The following EEA1 variants were observed in gnomAD, a reference collection of about 807,000 sequenced individuals.
EEA1 encodes early endosome antigen 1, 162kD.
In EEA1, 111 loss-of-function variants were observed where a neutral mutation model predicts 209.2. The observed-to-expected ratio is 0.53, with a 90% CI of 0.45 to 0.62. The LOEUF (loss-of-function observed/expected upper bound fraction) is 0.62. EEA1 is among the 20% of genes least tolerant of loss of function. The probability of loss-of-function intolerance (pLI) is 0.00; values close to 1 mark genes in which losing one functional copy is unlikely to be tolerated. For synonymous variants in EEA1, 536 were observed against 540.6 expected, an observed-to-expected ratio of 0.99 and a Z score of 0.12; for missense variants, 1,343 against 1,530.8, an observed-to-expected ratio of 0.88 and a Z score of 2.05.
At chr12:92,911,720 A>C (rs146139246) in intron 1 of EEA1, among the ~76,000 whole-genome samples, 1 of 152,354 alleles carries the variant, frequency 6.6e-6, no homozygotes, top group South Asian at 2.1e-4. Context: ...GGGGGAGTCT[A>C]TGCATGTGTA....
intron 2 of EEA1, among the ~76,000 whole-genome samples, chr12:92,867,859 T>C (rs1315943588): frequency 7.5e-5 from 2 of 26,802 alleles, no homozygotes; most frequent in African/African-American, 9.6e-5. Context: ...ATAGTGTATG[T>C]GTGTGTGAGA....
chr12:92,864,600 A>G (rs1283811349), intron 3 of EEA1, among the ~76,000 whole-genome samples: 1 of 152,194 alleles, frequency 6.6e-6, no homozygotes, highest in Non-Finnish European at 1.5e-5. Flanking sequence ...GCTAAATATA[A>G]TTTAATCTTC....
chr12:92,859,052 T>C (rs778579901), intron 3 of EEA1: 4 of 713,102 alleles, frequency 5.6e-6, no homozygotes, highest in African/African-American at 1.8e-5. Flanking sequence ...TCTTATTCTA[T>C]TGGAGTTTCT....
At chr12:92,880,763 C>T (rs975631088) in intron 2 of EEA1, among the ~76,000 whole-genome samples, 20 of 152,192 alleles carry the variant, frequency 1.3e-4, no homozygotes, top group Non-Finnish European at 2.9e-4. Flanking sequence ...GCGTGAGCTA[C>T]CACACCTGGC....
chr12:92,922,875 T>C (rs570890321), intron 1 of EEA1, among the ~76,000 whole-genome samples: 18 of 150,914 alleles, frequency 1.2e-4, no homozygotes, highest in African/African-American at 4.1e-4. Flanking sequence ...GGAGAATTGC[T>C]TGAACCCGGG....
In EEA1 at chr12:92,830,020, C is replaced by T. The variant is rs1266473351; in HGVS notation, c.1255-1959G>A. The stretch of plus-strand genomic sequence containing the variant: ...ATTTTTAGGGAGAGTGTGGGGGGGG[C>T]GGGTGAGGGTTGAAAAATTACCTGT... On this transcript the variant is annotated intron_variant, in intron 11 of 28. Coordinates refer to ENST00000322349, the MANE Select transcript of EEA1 (RefSeq NM_003566.4). Among the ~76,000 whole-genome samples the T allele has an allele frequency of 4.0e-5, 5 of 123,490 alleles. No homozygotes were observed. In the South Asian group the frequency reaches 8.2e-4, roughly 20 times the overall value. The allele number at this position is 123,490 out of a possible 152,430, so 81.0% of individuals were successfully genotyped here.
At chr12:92,878,105 AAAG>A (rs1263937880) in intron 2 of EEA1, among the ~76,000 whole-genome samples, 3 of 152,280 alleles carry the variant, frequency 2.0e-5, no homozygotes, top group Admixed American at 1.3e-4. Context: ...GCAGAAACAG[AAAG>A]AAGAAGATAA....
intron 2 of EEA1, among the ~76,000 whole-genome samples, chr12:92,878,087 G>C (rs1176480648): frequency 6.6e-6 from 1 of 151,972 alleles, no homozygotes; most frequent in African/African-American, 2.4e-5. Context: ...TGATCATCTA[G>C]GTGACCAGCA....
intron 2 of EEA1, among the ~76,000 whole-genome samples, chr12:92,888,442 T>C (rs918041775): frequency 6.6e-6 from 1 of 151,992 alleles, no homozygotes; most frequent in Non-Finnish European, 1.5e-5. Context: ...CCGGGTGTGG[T>C]GGCGGGTGCC....
intron 1 of EEA1, among the ~76,000 whole-genome samples, chr12:92,917,352 G>A (rs1338732188): frequency 1.2e-4 from 17 of 142,570 alleles, no homozygotes; most frequent in African/African-American, 2.7e-4. Context: ...GAGAAAGGTC[G>A]GGTTATCCTC....
intron 10 of EEA1, among the ~76,000 whole-genome samples, chr12:92,841,211 G>C (rs369847138): frequency 6.6e-6 from 1 of 152,132 alleles, no homozygotes; most frequent in East Asian, 1.9e-4. Flanking sequence ...TTATTCAACG[G>C]GGAAAGGACA....
chr12:92,827,162 C>T (rs1207829555), intron 12 of EEA1, among the ~76,000 whole-genome samples: 1 of 152,094 alleles, frequency 6.6e-6, no homozygotes, highest in African/African-American at 2.4e-5. Flanking sequence ...TCAAGACCAG[C>T]CTGGCCAACA....
intron 2 of EEA1, among the ~76,000 whole-genome samples, chr12:92,875,820 C>G (rs1305106484): frequency 6.6e-6 from 1 of 152,128 alleles, no homozygotes; most frequent in East Asian, 1.9e-4. Context: ...CAATAGCCTC[C>G]TGGTTGCTTT....
intron 3 of EEA1, chr12:92,858,945 T>C: frequency 1.4e-6 from 1 of 702,060 alleles, no homozygotes; most frequent in Non-Finnish European, 2.6e-6. Context: ...GAGGAAAGGA[T>C]TATACTAAGA....
chr12:92,801,245 AT>A (rs1288701495), intron 20 of EEA1, among the ~76,000 whole-genome samples: 2 of 151,436 alleles, frequency 1.3e-5, no homozygotes, highest in South Asian at 2.1e-4. Context: ...GCCTTTTAAG[AT>A]TTTTTTTTCA....
At chr12:92,795,530 G>A (rs548389113) in intron 21 of EEA1, among the ~76,000 whole-genome samples, 21 of 152,216 alleles carry the variant, frequency 1.4e-4, no homozygotes, top group South Asian at 4.1e-4. Flanking sequence ...TGGAGGGCCC[G>A]GAACATTTAT....
At chr12:92,908,842 G>C (rs936457006) in intron 1 of EEA1, among the ~76,000 whole-genome samples, 2 of 151,946 alleles carry the variant, frequency 1.3e-5, no homozygotes, top group African/African-American at 4.8e-5. Flanking sequence ...TTTTTTTCCT[G>C]AGACAGAGTC....
In EEA1 at chr12:92,822,535, C is replaced by T. The variant is rs1353955494; in HGVS notation, c.1525-3024G>A. Among the ~76,000 whole-genome samples the T allele has an allele frequency of 2.0e-5, 3 of 150,446 alleles. No individual in the cohort carries two copies. The East Asian group carries it at 5.8e-4, about 29-fold the overall frequency. ...CCCACATTTGAAGGTGCTGATTACC[C>T]CCAACTTTCGACCCTTCCTATTCCT... is the stretch of plus-strand genomic sequence containing the variant. On this transcript the variant is annotated intron_variant, in intron 13 of 28. Transcript: ENST00000322349.
intron 17 of EEA1, 53 bp downstream of exon 17, chr12:92,811,226 C>A: frequency 8.3e-7 from 1 of 1,203,420 alleles, no homozygotes; most frequent in Non-Finnish European, 1.1e-6. Flanking sequence ...TCATGAGATT[C>A]CATTGCTACT....
Sources: allele counts gnomAD v4.1 joint callset (sites outside exome capture counted in the v4.1 genomes callset), GRCh38; gene constraint gnomAD v4.1.1; transcripts MANE v1.5; gene names NCBI Gene and HGNC (gene_info 2026-07-23, HGNC 2026-07-21).